Variants in PHB1 observed in about 807,000 individuals in gnomAD.
PHB1 encodes prohibitin 1.
the PHB1 span, chr17:49,406,740 C>A: frequency 6.3e-7 from 1 of 1,575,886 alleles, no homozygotes; most frequent in Non-Finnish European, 8.7e-7. Context: ...AGGCTCCTGC[C>A]ATCTGGTCGA....
the PHB1 span, chr17:49,405,344 G>C: frequency 3.1e-6 from 2 of 651,440 alleles, no homozygotes; most frequent in East Asian, 2.7e-5. Flanking sequence ...GATGGCTAGC[G>C]GGGGAAGCGG....
At chr17:49,410,822 C>T in the PHB1 span, among the ~76,000 whole-genome samples, 7 of 152,184 alleles carry the variant, frequency 4.6e-5, no homozygotes, top group East Asian at 1.2e-3. Context: ...AAGGAGAAAA[C>T]AGACGTAAAA....
chr17:49,405,739 C>T, the PHB1 span, among the ~76,000 whole-genome samples: 1 of 151,990 alleles, frequency 6.6e-6, no homozygotes, highest in Non-Finnish European at 1.5e-5. Context: ...CATGCCATTG[C>T]ACTCCAGCCT....
At chr17:49,408,939 A>C in the PHB1 span, 1 of 731,960 alleles carries the variant, frequency 1.4e-6, no homozygotes, top group Non-Finnish European at 2.4e-6. Flanking sequence ...CACATCTAGC[A>C]AAGCAGAAGG....
the PHB1 span, among the ~76,000 whole-genome samples, chr17:49,408,166 C>T: frequency 5.9e-5 from 9 of 152,214 alleles, no homozygotes; most frequent in Non-Finnish European, 1.0e-4. Context: ...TGGCCTCTTG[C>T]CAGCAGAGGG....
the PHB1 span, chr17:49,406,741 A>T: frequency 1.3e-6 from 2 of 1,586,416 alleles, no homozygotes; most frequent in Non-Finnish European, 1.7e-6. Context: ...GGCTCCTGCC[A>T]TCTGGTCGAA....
the PHB1 span, chr17:49,404,576 T>A: frequency 1.4e-5 from 4 of 278,508 alleles, no homozygotes; most frequent in African/African-American, 9.0e-5. Flanking sequence ...CAGCCGCACA[T>A]GCCCTCATCC....
chr17:49,409,543 GT>G, the PHB1 span: 23,467 of 824,078 alleles, frequency 0.028, 1 homozygote, highest in East Asian at 0.064. Flanking sequence ...TTTTTTTTTT[GT>G]TTTTTTTTTT....
At chr17:49,409,411 G>A in the PHB1 span, 5 of 1,614,036 alleles carry the variant, frequency 3.1e-6, no homozygotes, top group South Asian at 2.2e-5. Context: ...GTGAAGATGC[G>A]AGGAAGCTGG....
At chr17:49,404,945 G>A in the PHB1 span, 16 of 1,263,316 alleles carry the variant, frequency 1.3e-5, no homozygotes, top group East Asian at 1.0e-4. Context: ...AAGAATCATC[G>A]GGGCTGTGGC....
chr17:49,405,194 T>C, the PHB1 span: 2 of 1,613,892 alleles, frequency 1.2e-6, no homozygotes, highest in Admixed American at 1.7e-5. Flanking sequence ...CGCCTTTTTC[T>C]GTTGCTCAGC....
chr17:49,413,508 TTTCC>T, the PHB1 span, among the ~76,000 whole-genome samples: 10 of 147,428 alleles, frequency 6.8e-5, no homozygotes, highest in East Asian at 3.9e-4. Context: ...GTTTCTTTTC[TTTCC>T]TTTTTTTTTT....
At chr17:49,405,880 C>G in the PHB1 span, among the ~76,000 whole-genome samples, 1 of 151,954 alleles carries the variant, frequency 6.6e-6, no homozygotes, top group African/African-American at 2.4e-5. Flanking sequence ...GGTTCCTGAC[C>G]AGAATCCAGG....
the PHB1 span, chr17:49,406,961 G>A: frequency 3.9e-6 from 3 of 768,198 alleles, no homozygotes; most frequent in Non-Finnish European, 6.9e-6. Flanking sequence ...GGCTCTAGCA[G>A]CTGGAGGCAT....
chr17:49,409,670 T>C, the PHB1 span, among the ~76,000 whole-genome samples: 1 of 151,620 alleles, frequency 6.6e-6, no homozygotes, highest in Non-Finnish European at 1.5e-5. Context: ...GCCTCCTGAG[T>C]AGCTGGGATT....
chr17:49,412,384 T>TACG, the PHB1 span: 1 of 155,634 alleles, frequency 6.4e-6, no homozygotes, highest in South Asian at 2.0e-4. Context: ...TAGTTGCAGA[T>TACG]GTGGCCAAAA....
At chr17:49,407,079 A>G in the PHB1 span, 1 of 549,368 alleles carries the variant, frequency 1.8e-6, no homozygotes, top group African/African-American at 1.9e-5. Context: ...TGTCACTCTC[A>G]GTACAGTGAC....
the PHB1 span, chr17:49,406,816 C>T: frequency 6.2e-7 from 1 of 1,614,030 alleles, no homozygotes; most frequent in South Asian, 1.1e-5. Context: ...GTTTGGCTTC[C>T]ACCGCTTCTG....
At chr17:49,408,995 C>T in the PHB1 span, 78 of 1,221,050 alleles carry the variant, frequency 6.4e-5, no homozygotes, top group East Asian at 1.6e-3. Flanking sequence ...GGCACCTAAA[C>T]GAGAACTGCA....
Sources: gnomAD v4.1 joint callset for allele counts (sites outside exome capture counted in the v4.1 genomes callset) on GRCh38, gnomAD v4.1.1 for gene constraint, MANE v1.5 for transcripts, NCBI Gene and HGNC (gene_info 2026-07-23, HGNC 2026-07-21) for gene names.